The following AGBL3 variants were observed in gnomAD, a reference collection of about 807,000 sequenced individuals.
AGBL3 encodes cytosolic carboxypeptidase 3.
AGBL3 carries 68 observed loss-of-function variants against 94.5 expected under a neutral mutation model. The observed-to-expected ratio is 0.72, with a 90% CI of 0.59 to 0.88. The LOEUF is 0.88. Ranked by LOEUF, AGBL3 falls within the 40% of genes least tolerant of loss-of-function variation. The pLI, the probability that AGBL3 is intolerant of heterozygous loss-of-function variation, is 0.00. For missense variants in AGBL3, 934 were observed against 1,103.8 expected, an observed-to-expected ratio of 0.85 and a Z score of 2.18; for synonymous variants, 354 against 370.7, an observed-to-expected ratio of 0.95 and a Z score of 0.52.
intron 12 of AGBL3, among the ~76,000 whole-genome samples, chr7:135,071,905 G>A (rs1307989535): frequency 6.6e-6 from 1 of 152,124 alleles, no homozygotes; most frequent in East Asian, 1.9e-4. Context: ...AGCCAAAATT[G>A]ACAAATGGGA....
intron 16 of AGBL3, among the ~76,000 whole-genome samples, chr7:135,124,727 A>G (rs1234195599): frequency 6.6e-6 from 1 of 152,208 alleles, no homozygotes; most frequent in African/African-American, 2.4e-5. Flanking sequence ...TCAAATTACA[A>G]CTCAGGATTA....
intron 12 of AGBL3, among the ~76,000 whole-genome samples, chr7:135,065,862 G>C (rs2116733553): frequency 6.6e-6 from 1 of 152,292 alleles, no homozygotes. Flanking sequence ...CTGCACTCGA[G>C]CCTGAGCAAC....
intron 8 of AGBL3, among the ~76,000 whole-genome samples, chr7:135,039,918 T>G (rs1297522180): frequency 6.6e-6 from 1 of 151,964 alleles, no homozygotes; most frequent in African/African-American, 2.4e-5. Flanking sequence ...TGGAAAAGAT[T>G]GGTAAAACTG....
At chr7:135,006,138 T>A (rs947135031) in intron 4 of AGBL3, among the ~76,000 whole-genome samples, 1 of 151,912 alleles carries the variant, frequency 6.6e-6, no homozygotes, top group Non-Finnish European at 1.5e-5. Flanking sequence ...GTTAAGCAGA[T>A]GAAAATACAG....
At chr7:135,091,640 T>C (rs1475821626) in intron 15 of AGBL3, among the ~76,000 whole-genome samples, 1 of 152,188 alleles carries the variant, frequency 6.6e-6, no homozygotes. Flanking sequence ...AGCTGCAGCA[T>C]AGAAACCAAG....
At chr7:135,118,263 A>G (rs1458287801) in intron 16 of AGBL3, among the ~76,000 whole-genome samples, 1 of 152,136 alleles carries the variant, frequency 6.6e-6, no homozygotes, top group East Asian at 1.9e-4. Context: ...GCTCAGGCCA[A>G]TCCTCATTGA....
intron 15 of AGBL3, among the ~76,000 whole-genome samples, chr7:135,096,052 T>C (rs1358248349): frequency 6.6e-6 from 1 of 151,868 alleles, no homozygotes; most frequent in African/African-American, 2.4e-5. Context: ...CTTGGGAAAC[T>C]GAGGCAGGAG....
chr7:135,051,654 A>G (rs962408811), intron 11 of AGBL3, among the ~76,000 whole-genome samples: 9 of 152,180 alleles, frequency 5.9e-5, no homozygotes, highest in African/African-American at 2.2e-4. Flanking sequence ...AAAAATCTTC[A>G]GTTCATAATT....
At chr7:134,997,687 C>T (rs1019085607) in intron 4 of AGBL3, among the ~76,000 whole-genome samples, 1 of 152,150 alleles carries the variant, frequency 6.6e-6, no homozygotes, top group Non-Finnish European at 1.5e-5. Context: ...CCCAAGGTCC[C>T]AGGTAGACAA....
chr7:135,060,063 C>T lies in AGBL3; in HGVS notation c.1908+828C>T, dbSNP rs1818692024. Among the ~76,000 whole-genome samples, 4 of 152,246 alleles carry T rather than the reference C, an allele frequency of 2.6e-5. No homozygotes were observed. In the South Asian group the frequency reaches 8.3e-4, roughly 32 times the overall value. ...GGGCTAGAGAATACCCAGGCAAGAT[C>T]CTATGTTGAAAACCCGGAGTACACA... On this transcript the variant is annotated intron_variant, in intron 12 of 16. Coordinates refer to ENST00000436302, the MANE Select transcript of AGBL3 (RefSeq NM_178563.4).
chr7:135,096,742 TGAAAGAAAGAAAGAAA>T (rs3038284), intron 15 of AGBL3, among the ~76,000 whole-genome samples: 462 of 101,176 alleles, frequency 4.6e-3, no homozygotes, highest in African/African-American at 0.013. Context: ...AGAGAAAGAA[TGAAAGAAAGAAAGAAA>T]GAAAGAAAGA....
At chr7:135,053,355 C>A (rs1818054173) in intron 11 of AGBL3, among the ~76,000 whole-genome samples, 1 of 152,152 alleles carries the variant, frequency 6.6e-6, no homozygotes, top group African/African-American at 2.4e-5. Flanking sequence ...TGCCTGTAAT[C>A]CCAACACTTT....
At chr7:135,076,052 A>G (rs1820416436) in intron 12 of AGBL3, among the ~76,000 whole-genome samples, 1 of 152,200 alleles carries the variant, frequency 6.6e-6, no homozygotes, top group Non-Finnish European at 1.5e-5. Context: ...CTTGGGCTAG[A>G]AGGAACAGGC....
intron 4 of AGBL3, among the ~76,000 whole-genome samples, chr7:135,002,820 G>A (rs1398618778): frequency 6.6e-6 from 1 of 152,052 alleles, no homozygotes; most frequent in Non-Finnish European, 1.5e-5. Flanking sequence ...TTTTGTTCAT[G>A]TATTCTTTAT....
chr7:135,055,642 T>A (rs1818278651), intron 11 of AGBL3, among the ~76,000 whole-genome samples: 1 of 152,210 alleles, frequency 6.6e-6, no homozygotes, highest in Non-Finnish European at 1.5e-5. Flanking sequence ...ATTCTTTTTA[T>A]TCCTTGTTGT....
At chr7:135,066,960 A>G (rs1379740322) in intron 12 of AGBL3, among the ~76,000 whole-genome samples, 1 of 152,228 alleles carries the variant, frequency 6.6e-6, no homozygotes, top group African/African-American at 2.4e-5. Context: ...CAAGAAGTAC[A>G]AGGGGTCAGG....
chr7:135,107,858 G>A (rs576015389), intron 15 of AGBL3, among the ~76,000 whole-genome samples: 2 of 152,220 alleles, frequency 1.3e-5, no homozygotes, highest in South Asian at 2.1e-4. Context: ...TCTTTTTGTA[G>A]GTCTCTAGGA....
intron 15 of AGBL3, among the ~76,000 whole-genome samples, chr7:135,095,121 A>G (rs1053215648): frequency 1.3e-5 from 2 of 151,918 alleles, no homozygotes; most frequent in African/African-American, 4.8e-5. Context: ...ACCTTATCCT[A>G]TTTTCGGGGA....
At position 135,003,596 on chromosome 7, in the gene AGBL3, A is replaced by G. The variant is rs73151990; in HGVS notation, c.310+9918A>G. Among the ~76,000 whole-genome samples, 359 of 151,766 alleles carry G rather than the reference A, an allele frequency of 2.4e-3. 1 individual carries two copies. The highest frequency in any genetic ancestry group is 4.4e-3 in the South Asian group (21 of 4,802). ...TTTTAAAATTGCACCTTCCTGTCCAATAATAAGATTTGTTTCACCATTTAT... is the reference window on the plus strand; with the variant it reads ...TTTTAAAATTGCACCTTCCTGTCCAGTAATAAGATTTGTTTCACCATTTAT... On this transcript the variant is annotated intron_variant, in intron 4 of 16. Transcript: ENST00000436302.
Sources: allele counts gnomAD v4.1 joint callset (sites outside exome capture counted in the v4.1 genomes callset), GRCh38; gene constraint gnomAD v4.1.1; transcripts MANE v1.5; gene names NCBI Gene and HGNC (gene_info 2026-07-23, HGNC 2026-07-21).